MRC2: variants seen among roughly 807,000 people sequenced by gnomAD.
The protein encoded by MRC2 is mannose receptor C-type 2.
MRC2 carries 84 observed loss-of-function variants against 206.2 expected under a neutral mutation model. That is an observed-to-expected ratio of 0.41 (90% CI 0.34 to 0.49). The LOEUF is 0.49. Among genes scored for constraint, MRC2 ranks in the 20% least tolerant of loss-of-function variants. MRC2 has a pLI of 0.31. For synonymous variants in MRC2, 798 were observed against 800.0 expected (o/e 1.00, Z 0.04); for missense variants, 1,676 against 2,001.5 (o/e 0.84, Z 3.10).
chr17:62,666,332 C>T lies in MRC2; in HGVS notation c.694+65C>T. The stretch of plus-strand genomic sequence containing the variant: ...CTGGAGGGAGGCTGGTGCTGAGGGG[C>T]CCCGGGGCCCAGGGTGAGATACTGC... On this transcript the variant is annotated intron_variant, in intron 3 of 29. Coordinates refer to ENST00000303375, the MANE Select transcript of MRC2 (RefSeq NM_006039.5). This position sits in a 1 kb window ranked among gnomAD's most constrained non-coding sequence, Gnocchi z 5.0. 1.3e-6 allele frequency: 2 copies of T among 1,555,914 alleles called. No homozygotes were observed. The highest frequency in any genetic ancestry group is 1.7e-6 in the Non-Finnish European group (2 of 1,154,700).
Position 62,667,357 on chromosome 17 carries a change from T to G in MRC2, c.974-33T>G, listed in dbSNP as rs1387921178. 1.3e-6 allele frequency: 2 copies of G among 1,567,936 alleles called. No homozygotes were observed. Among genetic ancestry groups the G allele is most frequent in the Non-Finnish European group, 1.7e-6 (2 of 1,158,408 alleles). ...GGGAGCCACGGTGTGAGCTTCTCTC[T>G]CCGGGGGTGCTGGCGCCCTGCCCTC... On this transcript the variant is annotated intron_variant, in intron 5 of 29. Transcript: ENST00000303375. This position sits in a 1 kb window ranked among gnomAD's most constrained non-coding sequence, Gnocchi z 4.1.
rs761779144 is a variant in MRC2, at chr17:62,677,415, C to A, written c.1981C>A (p.Pro661Thr). 12 of 1,611,790 alleles carry A rather than the reference C, an allele frequency of 7.4e-6. No homozygotes were observed. The African/African-American group carries it at 1.6e-4, about 22-fold the overall frequency. ...GACGCCGGAGCTGCCGGGGCCAGAT[C>A]CCACGCCCAGCCTCACTGGCTCCTG... ...PVTPELPGPD[P>T]TPSLTGSCPQ... Residue 661 changes from proline to threonine, a missense_variant, in exon 12 of 30, where the codon CCC becomes ACC. Transcript: ENST00000303375.
intron 19 of MRC2, 120 bp downstream of exon 19, chr17:62,682,057 C>A: frequency 8.9e-7 from 1 of 1,122,364 alleles, no homozygotes; most frequent in Non-Finnish European, 1.3e-6. Context: ...CCAATAAAGG[C>A]TAGACTCAGC....
At chr17:62,673,944 T>G in intron 8 of MRC2, 119 bp from the exon 9 acceptor site, 1 of 778,194 alleles carries the variant, frequency 1.3e-6, no homozygotes, top group Non-Finnish European at 2.1e-6. Flanking sequence ...GACACAGACA[T>G]GTCAGAATCA....
chr17:62,666,449 T>C lies in MRC2; in HGVS notation c.695-6T>C. ...GGCCTGAAGGAGAGGGCTGTCGTGG[T>C]GGCAGGTAACGACTGCGAGACCTTC... On this transcript the variant is annotated splice_polypyrimidine_tract_variant and splice_region_variant and intron_variant, in intron 3 of 29. Transcript: ENST00000303375. The surrounding 1 kb of genome is among the most constrained non-coding windows in gnomAD (Gnocchi z 5.0). 6.2e-7 allele frequency: 1 copy of C among 1,613,800 alleles called. No individual in the cohort carries two copies. The highest frequency in any genetic ancestry group is 8.5e-7 in the Non-Finnish European group (1 of 1,179,970).
chr17:62,664,493 A>C lies in MRC2; in HGVS notation c.119-55A>C. 6.4e-7 allele frequency: 1 copy of C among 1,551,048 alleles called. No homozygotes were observed. The highest frequency in any genetic ancestry group is 8.7e-7 in the Non-Finnish European group (1 of 1,149,708). On this transcript the variant is annotated intron_variant, in intron 1 of 29. Coordinates refer to ENST00000303375, the MANE Select transcript of MRC2 (RefSeq NM_006039.5). This position sits in a 1 kb window ranked among gnomAD's most constrained non-coding sequence, Gnocchi z 4.7. The stretch of plus-strand genomic sequence containing the variant: ...GTGCCTGTCAGCCACACCGGTCATC[A>C]AGGGCCAACCAGGAGAGCCCCTGTG...
intron 20 of MRC2, 115 bp downstream of exon 20, chr17:62,682,492 T>A: frequency 8.0e-7 from 1 of 1,242,252 alleles, no homozygotes; most frequent in Non-Finnish European, 1.1e-6. Context: ...GCCTCTTGCC[T>A]GTACCCACCA....
At position 62,666,893 on chromosome 17, in the gene MRC2, C is replaced by G; in HGVS notation, c.973+23C>G. 6.2e-7 allele frequency: 1 copy of G among 1,605,092 alleles called. No individual in the cohort carries two copies. The highest frequency in any genetic ancestry group is 8.5e-7 in the Non-Finnish European group (1 of 1,172,662). ...GTGGTGAGGCACAAGGTTGGGGGCGCAGGGCAGCATAGGGGCCCCGCGGGC... is the reference window on the plus strand; with the variant it reads ...GTGGTGAGGCACAAGGTTGGGGGCGGAGGGCAGCATAGGGGCCCCGCGGGC... On this transcript the variant is annotated intron_variant, in intron 5 of 29. Transcript: ENST00000303375. The surrounding 1 kb of genome is among the most constrained non-coding windows in gnomAD (Gnocchi z 5.0).
intron 1 of MRC2, among the ~76,000 whole-genome samples, chr17:62,640,238 T>C (rs1254542824): frequency 6.6e-6 from 1 of 152,038 alleles, no homozygotes; most frequent in African/African-American, 2.4e-5. Context: ...ATGCACATAC[T>C]GGAAACAAGA....
chr17:62,688,539 C>T lies in MRC2; in HGVS notation c.3100C>T (p.Leu1034Phe), dbSNP rs754434087. ...CAGCCTGCCCAATGTGACCTTTGACCTTTGGATTGGCCTCCATGCCTCGCA... is the reference window on the plus strand; with the variant it reads ...CAGCCTGCCCAATGTGACCTTTGACTTTTGGATTGGCCTCCATGCCTCGCA... ...TASLPNVTFD[L>F]WIGLHASQRD... The change falls in exon 22 of 30, where the codon CTT becomes TTT. Residue 1034 changes from leucine to phenylalanine, a missense_variant. Around this residue, in one of 3 missense-constraint regions of MRC2, gnomAD observed 1,354 missense variants for 1,636.6 expected, o/e 0.83. Coordinates refer to ENST00000303375, the MANE Select transcript of MRC2 (RefSeq NM_006039.5). 5.6e-6 allele frequency: 9 copies of T among 1,614,134 alleles called. No individual in the cohort carries two copies. Among genetic ancestry groups the T allele is most frequent in the Non-Finnish European group, 7.6e-6 (9 of 1,180,046 alleles).
chr17:62,636,026 A>G (rs538767694), intron 1 of MRC2, among the ~76,000 whole-genome samples: 1 of 151,866 alleles, frequency 6.6e-6, no homozygotes, highest in Admixed American at 6.6e-5. Context: ...TGACCTCGTG[A>G]TCCACCTGCC....
intron 1 of MRC2, among the ~76,000 whole-genome samples, chr17:62,636,261 A>G (rs1598965221): frequency 6.6e-6 from 1 of 151,692 alleles, no homozygotes; most frequent in East Asian, 1.9e-4. Context: ...AAAAAAAAAA[A>G]AAAGTAAAAA....
At chr17:62,642,367 A>C (rs2088416928) in intron 1 of MRC2, among the ~76,000 whole-genome samples, 1 of 152,196 alleles carries the variant, frequency 6.6e-6, no homozygotes, top group Non-Finnish European at 1.5e-5. Flanking sequence ...CCATTCTGTC[A>C]CACCAATGTC....
In MRC2 at chr17:62,690,085, G is replaced by A. The variant is rs371733789; in HGVS notation, c.3742+23G>A. The A allele has an allele frequency of 4.1e-5, 65 of 1,583,882 alleles. No individual in the cohort carries two copies. The Middle Eastern group carries it at 1.5e-3, about 37-fold the overall frequency. ...GTGGTGAGTGCCCACCTGCCAGGGCGGGGGCATGGGCAAGCTGTCGGTGGC... is the reference window on the plus strand; with the variant it reads ...GTGGTGAGTGCCCACCTGCCAGGGCAGGGGCATGGGCAAGCTGTCGGTGGC... On this transcript the variant is annotated intron_variant, in intron 25 of 29. Transcript: ENST00000303375.
chr17:62,653,790 C>A (rs2088585921), intron 1 of MRC2, among the ~76,000 whole-genome samples: 1 of 152,062 alleles, frequency 6.6e-6, no homozygotes, highest in Non-Finnish European at 1.5e-5. Context: ...TAGAGGGAAA[C>A]CCACCATGGT....
chr17:62,653,289 G>A (rs2088579390), intron 1 of MRC2, among the ~76,000 whole-genome samples: 1 of 152,200 alleles, frequency 6.6e-6, no homozygotes, highest in Non-Finnish European at 1.5e-5. Context: ...CGAAGGGGAA[G>A]GCCAGCGCGG....
chr17:62,680,523 A>G lies in MRC2; in HGVS notation c.2473+70A>G. On this transcript the variant is annotated intron_variant, in intron 16 of 29. Coordinates refer to ENST00000303375, the MANE Select transcript of MRC2 (RefSeq NM_006039.5). This position sits in a 1 kb window ranked among gnomAD's most constrained non-coding sequence, Gnocchi z 4.8. ...GGCGTCAACTCTGGGGTAAGTCCCGAGAGGCCTGAATGAAATGGAGGGGAT... is the reference window on the plus strand; with the variant it reads ...GGCGTCAACTCTGGGGTAAGTCCCGGGAGGCCTGAATGAAATGGAGGGGAT... 1.9e-6 allele frequency: 3 copies of G among 1,590,046 alleles called. No homozygotes were observed. The highest frequency in any genetic ancestry group is 2.6e-6 in the Non-Finnish European group (3 of 1,161,022).
At chr17:62,659,500 C>T (rs1046779222) in intron 1 of MRC2, among the ~76,000 whole-genome samples, 19 of 151,408 alleles carry the variant, frequency 1.3e-4, no homozygotes, top group African/African-American at 3.2e-4. Flanking sequence ...GAGCAGAGAT[C>T]GCGCCACTGC....
chr17:62,672,245 A>T lies in MRC2; in HGVS notation c.1461+93A>T. 2.7e-6 allele frequency: 4 copies of T among 1,490,776 alleles called. No individual in the cohort carries two copies. Among genetic ancestry groups the T allele is most frequent in the Non-Finnish European group, 3.7e-6 (4 of 1,078,814 alleles). The allele number at this position is 1,490,776 out of a possible 1,614,324, so 92.3% of individuals were successfully genotyped here. ...TGAAGGACATCCTAGTTACTATCAG[A>T]ACCTGCCTGGAACCTCTTACCTCTC... On this transcript the variant is annotated intron_variant, in intron 8 of 29. Transcript: ENST00000303375. This position sits in a 1 kb window ranked among gnomAD's most constrained non-coding sequence, Gnocchi z 4.5.
Sources: gnomAD v4.1 joint callset for allele counts (sites outside exome capture counted in the v4.1 genomes callset) on GRCh38, gnomAD v4.1.1 for gene constraint, gnomAD v4.1.1 regional missense constraint, Gnocchi (gnomAD v3.1) non-coding constraint, MANE v1.5 for transcripts, NCBI Gene and HGNC (gene_info 2026-07-23, HGNC 2026-07-21) for gene names.